Variants in DYM observed in about 807,000 individuals in gnomAD.
DYM encodes the protein dyggve-Melchior-Clausen syndrome protein.
Under a neutral mutation model 93.1 loss-of-function variants are expected in DYM, and 78 were observed. The ratio of observed to expected loss-of-function variants is 0.84; its 90% CI spans 0.70 to 1.01. DYM has a LOEUF of 1.01. Among genes scored for constraint, DYM ranks in the 50% least tolerant of loss-of-function variants. DYM has a pLI of 0.00. For missense variants in DYM, 789 were observed against 845.0 expected, an observed-to-expected ratio of 0.93 and a Z score of 0.82; for synonymous variants, 321 against 319.7, an observed-to-expected ratio of 1.00 and a Z score of -0.04.
rs57025579 is a variant in DYM, at chr18:49,292,355, G to GACACACACACACACAC, written c.764-5755_764-5740dup. Among the ~76,000 whole-genome samples the GACACACACACACACAC allele has an allele frequency of 2.0e-3, 166 of 84,712 alleles. 6 individuals carry two copies. Among genetic ancestry groups the GACACACACACACACAC allele is most frequent in the East Asian group, 0.019 (55 of 2,912 alleles). The allele number at this position is 84,712 out of a possible 152,430, so 55.6% of individuals were successfully genotyped here. ...AGGCAGGCAGACAGACAGACAGACA[G>GACACACACACACACAC]ACACACACACACACACACACACACA... On this transcript the variant is annotated intron_variant, in intron 8 of 17. Transcript: ENST00000675505.
intron 16 of DYM, among the ~76,000 whole-genome samples, chr18:49,107,456 C>T (rs1454573211): frequency 5.3e-5 from 8 of 152,192 alleles, no homozygotes; most frequent in Non-Finnish European, 8.8e-5. Flanking sequence ...TGAGGAGCTG[C>T]GTTCCTTTGG....
intron 17 of DYM, among the ~76,000 whole-genome samples, chr18:49,051,372 T>G (rs960550081): frequency 9.2e-5 from 14 of 152,180 alleles, no homozygotes; most frequent in African/African-American, 3.4e-4. Context: ...GGGCAAGTCA[T>G]AGCATTTCTC....
intron 8 of DYM, among the ~76,000 whole-genome samples, chr18:49,288,807 C>CA (rs1023349440): frequency 2.0e-5 from 3 of 150,874 alleles, no homozygotes; most frequent in Admixed American, 6.6e-5. Flanking sequence ...AAAACAAAAA[C>CA]AAAAAAAAGT....
intron 15 of DYM, among the ~76,000 whole-genome samples, chr18:49,149,810 G>A (rs867894400): frequency 3.4e-5 from 5 of 146,838 alleles, no homozygotes; most frequent in African/African-American, 1.0e-4. Flanking sequence ...GGGTTCAAGC[G>A]ATTCTCCTGC....
At chr18:49,104,127 C>T (rs1424894928) in intron 16 of DYM, among the ~76,000 whole-genome samples, 1 of 152,142 alleles carries the variant, frequency 6.6e-6, no homozygotes, top group Non-Finnish European at 1.5e-5. Flanking sequence ...AGATCCTTCA[C>T]ATCCCTTGTA....
rs573184019 is a variant in DYM at position 49,220,383 on chromosome 18, T to A, written c.1461-10668A>T. 1.7e-4 allele frequency among the ~76,000 whole-genome samples: 25 copies of A among 149,870 alleles called. No homozygotes were observed. In the East Asian group the frequency reaches 4.9e-3, roughly 29 times the overall value. On this transcript the variant is annotated intron_variant, in intron 13 of 17. Transcript: ENST00000675505. Reference sequence around the variant, plus strand: ...CCCATCAAGCTACCAATGACTTTCTTCACAGAATTGGAAAAAACTACTTTA... The same window carrying A: ...CCCATCAAGCTACCAATGACTTTCTACACAGAATTGGAAAAAACTACTTTA...
chr18:49,057,227 A>G lies in DYM; in HGVS notation c.2026-13023T>C, dbSNP rs372652754. Among the ~76,000 whole-genome samples, 9 of 152,368 alleles carry G rather than the reference A, an allele frequency of 5.9e-5. No individual in the cohort carries two copies. The South Asian group carries it at 1.7e-3, about 28-fold the overall frequency. On this transcript the variant is annotated intron_variant, in intron 17 of 17. Transcript: ENST00000675505. ...CAGTTTACAACTTTATGAACTAGCA[A>G]TAACACCATGGGCAGGATAGAGGGA... is the stretch of plus-strand genomic sequence containing the variant.
intron 13 of DYM, among the ~76,000 whole-genome samples, chr18:49,239,292 T>TAAG (rs2093958460): frequency 1.3e-5 from 2 of 152,238 alleles, no homozygotes; most frequent in African/African-American, 4.8e-5. Context: ...AATTTTCTAT[T>TAAG]TTGAACAGAA....
At chr18:49,303,472 C>A (rs1599272572) in intron 8 of DYM, among the ~76,000 whole-genome samples, 1 of 152,176 alleles carries the variant, frequency 6.6e-6, no homozygotes, top group African/African-American at 2.4e-5. Context: ...CAAAAGAAGG[C>A]TGCCTATGAC....
chr18:49,065,840 C>T (rs546036829), intron 17 of DYM, among the ~76,000 whole-genome samples: 1 of 152,146 alleles, frequency 6.6e-6, no homozygotes, highest in Admixed American at 6.5e-5. Context: ...GGGCATAGAT[C>T]ACATCTTAGG....
Position 49,184,756 on chromosome 18 carries a change from C to T in DYM, c.1626-20969G>A, listed in dbSNP as rs138430363. 6.6e-3 allele frequency among the ~76,000 whole-genome samples: 1,009 copies of T among 152,252 alleles called. 6 individuals carry two copies. The highest frequency in any genetic ancestry group is 0.012 in the African/African-American group (484 of 41,548). The stretch of plus-strand genomic sequence containing the variant: ...AGCACAGTGCACAATTAAAAACTTA[C>T]GAATTTTCTATTTCTGAAACTTTCC... On this transcript the variant is annotated intron_variant, in intron 14 of 17. Transcript: ENST00000675505.
At chr18:49,197,422 A>G (rs1173723867) in intron 14 of DYM, among the ~76,000 whole-genome samples, 2 of 152,082 alleles carry the variant, frequency 1.3e-5, no homozygotes, top group Non-Finnish European at 2.9e-5. Flanking sequence ...GGGCTGTACT[A>G]CCTAGTTCAT....
intron 14 of DYM, among the ~76,000 whole-genome samples, chr18:49,174,178 C>T (rs557133582): frequency 1.1e-4 from 17 of 152,140 alleles, no homozygotes; most frequent in African/African-American, 4.1e-4. Context: ...GCATGTTAAA[C>T]CAGACTTACA....
chr18:49,444,070 A>T (rs1004175921), intron 1 of DYM, among the ~76,000 whole-genome samples: 1 of 152,196 alleles, frequency 6.6e-6, no homozygotes, highest in African/African-American at 2.4e-5. Context: ...AAGCAGAAAA[A>T]GGCTTAGCTG....
chr18:49,353,536 CAT>C (rs1439071360), intron 6 of DYM, among the ~76,000 whole-genome samples: 2 of 151,744 alleles, frequency 1.3e-5, no homozygotes, highest in East Asian at 1.9e-4. Flanking sequence ...GGAATAAAGA[CAT>C]ATATTACACA....
chr18:49,215,613 G>C (rs1413866408), intron 13 of DYM, among the ~76,000 whole-genome samples: 1 of 152,178 alleles, frequency 6.6e-6, no homozygotes, highest in Admixed American at 6.5e-5. Context: ...GTTTTGGGCA[G>C]TGTTGAAAAG....
At chr18:49,217,668 A>C (rs997829749) in intron 13 of DYM, among the ~76,000 whole-genome samples, 1 of 152,200 alleles carries the variant, frequency 6.6e-6, no homozygotes, top group Non-Finnish European at 1.5e-5. Context: ...TTCATAAGTG[A>C]AGGAGAAATA....
intron 17 of DYM, among the ~76,000 whole-genome samples, chr18:49,085,563 C>G (rs1437843015): frequency 6.8e-6 from 1 of 148,148 alleles, no homozygotes; most frequent in Non-Finnish European, 1.5e-5. Context: ...ACAAATCTAA[C>G]AGAAGAGTCA....
chr18:49,312,685 T>C (rs1012991314), intron 8 of DYM, among the ~76,000 whole-genome samples: 16 of 152,164 alleles, frequency 1.1e-4, no homozygotes, highest in African/African-American at 3.6e-4. Context: ...TGGGAACCGC[T>C]GAACATGGGT....
Sources: allele counts gnomAD v4.1 joint callset (sites outside exome capture counted in the v4.1 genomes callset), GRCh38; gene constraint gnomAD v4.1.1; transcripts MANE v1.5; gene names NCBI Gene and HGNC (gene_info 2026-07-23, HGNC 2026-07-21).